CLDN16: variants seen among roughly 807,000 people sequenced by gnomAD.
CLDN16 encodes claudin-16.
A neutral mutation model predicts 24.6 loss-of-function variants in CLDN16; 13 were observed. That is an observed-to-expected ratio of 0.53 (90% confidence interval 0.34 to 0.84). The LOEUF is 0.84. Ranked by LOEUF, CLDN16 falls within the 40% of genes least tolerant of loss-of-function variation. CLDN16 has a pLI of 0.01. For missense variants in CLDN16, 298 were observed against 292.7 expected, an observed-to-expected ratio of 1.02 and a Z score of -0.13; for synonymous variants, 116 against 106.7, an observed-to-expected ratio of 1.09 and a Z score of -0.54.
At chr3:190,293,358 G>A in the CLDN16 span, among the ~76,000 whole-genome samples, 1 of 152,170 alleles carries the variant, frequency 6.6e-6, no homozygotes, top group Non-Finnish European at 1.5e-5. Flanking sequence ...ATATTTGGGT[G>A]GGAACACAAA....
At chr3:190,323,873 T>C (rs1716998538) in intron 1 of CLDN16, among the ~76,000 whole-genome samples, 1 of 152,124 alleles carries the variant, frequency 6.6e-6, no homozygotes, top group African/African-American at 2.4e-5. Context: ...GACAATTAAT[T>C]TGGACTGAGA....
At chr3:190,296,076 C>T in the CLDN16 span, among the ~76,000 whole-genome samples, 8 of 152,246 alleles carry the variant, frequency 5.3e-5, no homozygotes, top group African/African-American at 1.7e-4. Flanking sequence ...TATACTCTAC[C>T]TTAATCATTA....
At chr3:190,333,656 G>A (rs1244099030) in intron 1 of CLDN16, among the ~76,000 whole-genome samples, 1 of 151,894 alleles carries the variant, frequency 6.6e-6, no homozygotes, top group Non-Finnish European at 1.5e-5. Flanking sequence ...AGCCCATTGT[G>A]CATGCCACAC....
upstream of CLDN16, among the ~76,000 whole-genome samples, chr3:190,386,969 T>G (rs1405397303): frequency 6.6e-6 from 1 of 152,222 alleles, no homozygotes; most frequent in Non-Finnish European, 1.5e-5. Context: ...AGTAATCCTT[T>G]TATAAGCTGT....
chr3:190,377,867 C>A (rs1718278999), intron 3 of CLDN16, among the ~76,000 whole-genome samples: 1 of 151,874 alleles, frequency 6.6e-6, no homozygotes, highest in African/African-American at 2.4e-5. Context: ...TTGCCTGCAA[C>A]CTTATTTATT....
chr3:190,382,187 G>A (rs1718384598), intron 3 of CLDN16, among the ~76,000 whole-genome samples: 1 of 152,100 alleles, frequency 6.6e-6, no homozygotes, highest in Non-Finnish European at 1.5e-5. Flanking sequence ...AACTCAAAGG[G>A]AGTAGAATGT....
chr3:190,325,473 T>C (rs1361280894), intron 1 of CLDN16, among the ~76,000 whole-genome samples: 1 of 152,216 alleles, frequency 6.6e-6, no homozygotes, highest in Admixed American at 6.5e-5. Context: ...TTTAGAATCA[T>C]GTGGCAAAAA....
intron 1 of CLDN16, among the ~76,000 whole-genome samples, chr3:190,364,330 T>C (rs925781772): frequency 1.3e-5 from 2 of 151,918 alleles, no homozygotes; most frequent in African/African-American, 2.4e-5. Flanking sequence ...CACCCGTTCA[T>C]GTAGCTCTTG....
In CLDN16 at chr3:190,363,554, GTGTATATATATATATATATATATATA is replaced by G. The variant is rs1435978458; in HGVS notation, n.122-7337_122-7312del. Among the ~76,000 whole-genome samples the G allele has an allele frequency of 2.8e-3, 225 of 81,356 alleles. 14 individuals carry two copies. The East Asian group carries it at 0.043, about 15-fold the overall frequency. 53.4% of individuals were successfully genotyped at this position (81,356 alleles called of 152,430 possible). ...CCAGTTGCTGTGCGTGTGTGTGTGT[GTGTATATATATATATATATATATATA>G]TATATATATATATATATTTTCTTTC... is the stretch of plus-strand genomic sequence containing the variant. On this transcript the variant is annotated intron_variant and non_coding_transcript_variant, in intron 1 of 4. Transcript: ENST00000468220.
chr3:190,322,684 T>C (rs1716965859), intron 1 of CLDN16: 1 of 220,892 alleles, frequency 4.5e-6, no homozygotes, highest in Non-Finnish European at 9.1e-6. Context: ...ACGCTTTTCA[T>C]TCATTCACTC....
chr3:190,330,605 C>T (rs980059820), intron 1 of CLDN16, among the ~76,000 whole-genome samples: 20 of 151,930 alleles, frequency 1.3e-4, no homozygotes, highest in African/African-American at 4.6e-4. Context: ...GAAAAGAGCC[C>T]GGCACATGTT....
At position 190,408,400 on chromosome 3, in the gene CLDN16, G is replaced by T; in HGVS notation, c.469G>T (p.Gly157Cys). Residue 157 changes from glycine (G) to cysteine (C), a missense_variant, in exon 4 of 5, where the codon GGT becomes TGT. Physicochemically the swap from Gly to Cys is radical, Grantham distance 159. Transcript: ENST00000264734. ...STLVLHNIFL[G>C]IQYKFGWSCW... is the part of the protein sequence containing the mutation. Reference sequence around the variant, plus strand: ...TTTGGTTTTGCACAATATATTTCTTGGTATCCAATATAAATTTGGTTGGTC... The same window carrying T: ...TTTGGTTTTGCACAATATATTTCTTTGTATCCAATATAAATTTGGTTGGTC... 6.2e-7 allele frequency: 1 copy of T among 1,614,012 alleles called. No homozygotes were observed. The highest frequency in any genetic ancestry group is 8.5e-7 in the Non-Finnish European group (1 of 1,179,986).
the CLDN16 span, among the ~76,000 whole-genome samples, chr3:190,304,351 A>G: frequency 1.3e-5 from 2 of 152,178 alleles, no homozygotes; most frequent in Non-Finnish European, 2.9e-5. Flanking sequence ...AGCCCAGGAC[A>G]AGGTCTTACT....
intron 4 of CLDN16, among the ~76,000 whole-genome samples, chr3:190,409,358 T>G (rs1416683588): frequency 6.6e-6 from 1 of 151,926 alleles, no homozygotes; most frequent in Non-Finnish European, 1.5e-5. Flanking sequence ...TATATGTGTG[T>G]CTATATATAC....
At chr3:190,327,416 A>G (rs1487447876) in intron 1 of CLDN16, among the ~76,000 whole-genome samples, 3 of 152,148 alleles carry the variant, frequency 2.0e-5, no homozygotes, top group African/African-American at 4.8e-5. Context: ...AAAATCAACC[A>G]TCACACTCAC....
At chr3:190,313,181 G>A in the CLDN16 span, 1,295 of 843,030 alleles carry the variant, frequency 1.5e-3, 8 homozygotes, top group East Asian at 0.013. Context: ...TGATGTTTCC[G>A]CTGGTAACCC....
the CLDN16 span, among the ~76,000 whole-genome samples, chr3:190,291,009 A>G: frequency 6.6e-6 from 1 of 152,108 alleles, no homozygotes; most frequent in African/African-American, 2.4e-5. Context: ...GTTATGTACT[A>G]TTTTCTATAT....
At chr3:190,344,530 C>G (rs1577403137) in intron 1 of CLDN16, among the ~76,000 whole-genome samples, 1 of 151,472 alleles carries the variant, frequency 6.6e-6, no homozygotes, top group South Asian at 2.1e-4. Flanking sequence ...GTATTACATA[C>G]TATGTATTCT....
At chr3:190,341,194 G>A (rs946653714) in intron 1 of CLDN16, among the ~76,000 whole-genome samples, 6 of 152,308 alleles carry the variant, frequency 3.9e-5, no homozygotes, top group South Asian at 2.1e-4. Context: ...TGGTGCCCCA[G>A]TAGGGACTCT....
Sources: allele counts gnomAD v4.1 joint callset (sites outside exome capture counted in the v4.1 genomes callset), GRCh38; gene constraint gnomAD v4.1.1; transcripts MANE v1.5; gene names NCBI Gene and HGNC (gene_info 2026-07-23, HGNC 2026-07-21).